The following SPOCK3 variants were observed in gnomAD, a reference collection of about 807,000 sequenced individuals.
SPOCK3 encodes the protein testican-3.
Under a neutral mutation model 56.6 loss-of-function variants are expected in SPOCK3, and 30 were observed. That is an observed-to-expected ratio of 0.53 (90% confidence interval 0.40 to 0.72). The LOEUF is 0.72. SPOCK3 is among the 30% of genes least tolerant of loss of function. The pLI is 0.00. For synonymous variants in SPOCK3, 196 were observed against 183.3 expected (o/e 1.07, Z -0.56); for missense variants, 527 against 530.0 (o/e 0.99, Z 0.06).
chr4:167,036,542 T>C (rs971279604), intron 3 of SPOCK3, among the ~76,000 whole-genome samples: 1 of 152,228 alleles, frequency 6.6e-6, no homozygotes, highest in African/African-American at 2.4e-5. Flanking sequence ...TGTTATTTAG[T>C]GGCCTCTGAA....
intron 2 of SPOCK3, among the ~76,000 whole-genome samples, chr4:167,106,866 A>T (rs530296679): frequency 1.3e-5 from 2 of 151,784 alleles, no homozygotes; most frequent in Admixed American, 6.6e-5. Flanking sequence ...AGTGGCTACT[A>T]TGAGCAAGCA....
chr4:166,743,020 A>G (rs1735060178), intron 8 of SPOCK3, among the ~76,000 whole-genome samples: 1 of 152,132 alleles, frequency 6.6e-6, no homozygotes, highest in South Asian at 2.1e-4. Context: ...TATAGAAGGC[A>G]TTTGAGTGAC....
At chr4:166,875,910 C>G (rs534746006) in intron 6 of SPOCK3, among the ~76,000 whole-genome samples, 98 of 152,356 alleles carry the variant, frequency 6.4e-4, no homozygotes, top group African/African-American at 2.2e-3. Flanking sequence ...CTACTCATGG[C>G]ACAGCAGGTA....
intron 2 of SPOCK3, among the ~76,000 whole-genome samples, chr4:167,116,618 T>C (rs1761379835): frequency 7.6e-6 from 1 of 131,680 alleles, no homozygotes; most frequent in Non-Finnish European, 1.6e-5. Flanking sequence ...TATACGTATA[T>C]ATATACATAT....
intron 4 of SPOCK3, among the ~76,000 whole-genome samples, chr4:166,972,771 T>C (rs1479769794): frequency 6.6e-6 from 1 of 151,296 alleles, no homozygotes; most frequent in African/African-American, 2.4e-5. Context: ...TATTAAACTA[T>C]ATAAAATAAT....
chr4:167,181,699 T>C (rs1731468616), intron 2 of SPOCK3, among the ~76,000 whole-genome samples: 1 of 152,324 alleles, frequency 6.6e-6, no homozygotes, highest in South Asian at 2.1e-4. Context: ...ACTGGAAAGC[T>C]CTTTAATTAA....
intron 2 of SPOCK3, among the ~76,000 whole-genome samples, chr4:167,211,929 C>T (rs1734916668): frequency 1.3e-5 from 2 of 152,148 alleles, no homozygotes; most frequent in African/African-American, 2.4e-5. Flanking sequence ...AACTTCAAGA[C>T]CTATTTGCAT....
At chr4:166,955,846 G>A (rs552720776) in intron 4 of SPOCK3, among the ~76,000 whole-genome samples, 1 of 151,870 alleles carries the variant, frequency 6.6e-6, no homozygotes, top group Admixed American at 6.6e-5. Context: ...GAGCTGAGGA[G>A]CAGGATAGAT....
intron 4 of SPOCK3, among the ~76,000 whole-genome samples, chr4:166,946,244 T>C (rs781407332): frequency 6.6e-6 from 1 of 152,176 alleles, no homozygotes; most frequent in Non-Finnish European, 1.5e-5. Flanking sequence ...TCTCAAAACA[T>C]AACTCAGGCC....
At chr4:167,160,601 G>C (rs1465957891) in intron 2 of SPOCK3, among the ~76,000 whole-genome samples, 1 of 152,008 alleles carries the variant, frequency 6.6e-6, no homozygotes, top group Non-Finnish European at 1.5e-5. Flanking sequence ...TAAGCCAAAA[G>C]AACAAAGCTG....
chr4:166,799,910 G>C (rs971055991), intron 6 of SPOCK3, among the ~76,000 whole-genome samples: 1 of 152,012 alleles, frequency 6.6e-6, no homozygotes, highest in Non-Finnish European at 1.5e-5. Flanking sequence ...GGCCGGGCAC[G>C]GTGGCTCACG....
intron 9 of SPOCK3, among the ~76,000 whole-genome samples, chr4:166,738,176 T>G (rs1734414628): frequency 6.6e-6 from 1 of 152,120 alleles, no homozygotes; most frequent in Non-Finnish European, 1.5e-5. Context: ...GACCCACAAT[T>G]TAAAGTCTTC....
intron 7 of SPOCK3, among the ~76,000 whole-genome samples, chr4:166,769,377 C>T (rs1250105553): frequency 6.6e-6 from 1 of 152,096 alleles, no homozygotes; most frequent in African/African-American, 2.4e-5. Context: ...TGTGGATGTC[C>T]TTTCTGTTTG....
intron 2 of SPOCK3, among the ~76,000 whole-genome samples, chr4:167,075,551 A>G (rs1757109772): frequency 6.6e-6 from 1 of 152,016 alleles, no homozygotes; most frequent in Non-Finnish European, 1.5e-5. Context: ...AAGGCTGTGA[A>G]TATTTCAGTT....
chr4:167,002,719 T>C (rs1308050069), intron 3 of SPOCK3, among the ~76,000 whole-genome samples: 2 of 152,192 alleles, frequency 1.3e-5, no homozygotes, highest in Non-Finnish European at 2.9e-5. Flanking sequence ...AAAAAAAAGC[T>C]GTCTTCGAAA....
chr4:167,024,763 G>A (rs7671612), intron 3 of SPOCK3, among the ~76,000 whole-genome samples: 6 of 151,664 alleles, frequency 4.0e-5, no homozygotes, highest in South Asian at 2.1e-4. Context: ...CTGCTCGGGT[G>A]GTGGGTCACC....
intron 4 of SPOCK3, among the ~76,000 whole-genome samples, chr4:166,963,581 G>T (rs1280233379): frequency 6.6e-6 from 1 of 151,810 alleles, no homozygotes; most frequent in Non-Finnish European, 1.5e-5. Context: ...TAAGCACCAG[G>T]GGATGATACT....
intron 2 of SPOCK3, among the ~76,000 whole-genome samples, chr4:167,093,488 T>C (rs1403854772): frequency 6.6e-6 from 1 of 152,040 alleles, no homozygotes; most frequent in Non-Finnish European, 1.5e-5. Context: ...TTCCCATCCC[T>C]GTGTTCATGT....
intron 4 of SPOCK3, among the ~76,000 whole-genome samples, chr4:166,950,656 C>T (rs1276622409): frequency 3.3e-5 from 5 of 149,892 alleles, no homozygotes; most frequent in Non-Finnish European, 7.4e-5. Context: ...CACACCACAC[C>T]TATTCCAAAA....
Sources: allele counts gnomAD v4.1 joint callset (sites outside exome capture counted in the v4.1 genomes callset), GRCh38; gene constraint gnomAD v4.1.1; transcripts MANE v1.5; gene names NCBI Gene and HGNC (gene_info 2026-07-23, HGNC 2026-07-21).